PABPC4L: variants seen among roughly 807,000 people sequenced by gnomAD.
PABPC4L encodes the protein polyadenylate-binding protein 4-like.
For missense variants in PABPC4L, 452 were observed against 451.4 expected (o/e 1.00, Z -0.01); for synonymous variants, 169 against 164.1 (o/e 1.03, Z -0.23).
At chr4:134,004,000 T>C in the PABPC4L span, among the ~76,000 whole-genome samples, 2 of 151,724 alleles carry the variant, frequency 1.3e-5, no homozygotes, top group South Asian at 2.1e-4. Flanking sequence ...TCAAAATGGA[T>C]TAAAGACTTA....
the PABPC4L span, among the ~76,000 whole-genome samples, chr4:134,042,028 A>G: frequency 1.3e-5 from 2 of 152,322 alleles, no homozygotes; most frequent in Non-Finnish European, 2.9e-5. Flanking sequence ...CTCATCAACA[A>G]ATGAGTGGAT....
At chr4:134,105,345 A>G in the PABPC4L span, among the ~76,000 whole-genome samples, 2 of 151,778 alleles carry the variant, frequency 1.3e-5, no homozygotes, top group African/African-American at 2.4e-5. Flanking sequence ...TTGTTTAAAC[A>G]TTTGAAACAT....
chr4:134,186,102 C>A, the PABPC4L span, among the ~76,000 whole-genome samples: 1 of 152,204 alleles, frequency 6.6e-6, no homozygotes, highest in African/African-American at 2.4e-5. Context: ...GTGAAAATGG[C>A]CATACTGTCC....
chr4:133,951,226 G>T, the PABPC4L span, among the ~76,000 whole-genome samples: 29 of 152,024 alleles, frequency 1.9e-4, no homozygotes, highest in African/African-American at 7.0e-4. Flanking sequence ...TTTAAGGTCT[G>T]GTCTAACTTT....
chr4:133,985,958 A>G, the PABPC4L span, among the ~76,000 whole-genome samples: 1 of 152,096 alleles, frequency 6.6e-6, no homozygotes, highest in Non-Finnish European at 1.5e-5. Context: ...AGTAAAAATT[A>G]TTAAGCTCTG....
the PABPC4L span, among the ~76,000 whole-genome samples, chr4:133,982,581 A>G: frequency 1.3e-5 from 2 of 152,030 alleles, no homozygotes. Flanking sequence ...GAAAGTGTTT[A>G]TTAATAAATA....
the PABPC4L span, among the ~76,000 whole-genome samples, chr4:134,097,046 G>C: frequency 1.3e-5 from 2 of 151,922 alleles, no homozygotes; most frequent in African/African-American, 4.8e-5. Flanking sequence ...GAGGCAAGTA[G>C]TGTGTAATTG....
rs1729786964 is a variant in PABPC4L, at chr4:134,199,813, G to A, written c.*94C>T. The A allele has an allele frequency of 7.0e-7, 1 of 1,425,600 alleles. No individual in the cohort carries two copies. Among genetic ancestry groups the A allele is most frequent in the African/African-American group, 1.5e-5 (1 of 68,560 alleles). The allele number at this position is 1,425,600 out of a possible 1,614,324, so 88.3% of individuals were successfully genotyped here. Reference sequence around the variant, plus strand: ...TTACTAAACTAAGCACCCATCATGTGGAATATGAAATTTACTGAGGTCAAT... The same window carrying A: ...TTACTAAACTAAGCACCCATCATGTAGAATATGAAATTTACTGAGGTCAAT... On this transcript the variant is annotated 3_prime_UTR_variant, in exon 2 of 2. Coordinates refer to ENST00000421491, the MANE Select transcript of PABPC4L (RefSeq NM_001114734.2).
the PABPC4L span, among the ~76,000 whole-genome samples, chr4:134,108,899 A>G: frequency 3.3e-5 from 5 of 151,980 alleles, no homozygotes; most frequent in Admixed American, 6.6e-5. Context: ...TTGCCTAATA[A>G]TGTGTTCAGA....
the PABPC4L span, among the ~76,000 whole-genome samples, chr4:134,182,114 A>C: frequency 6.6e-6 from 1 of 151,984 alleles, no homozygotes; most frequent in South Asian, 2.1e-4. Context: ...AAACAAAAAA[A>C]CTATCTAAAA....
the PABPC4L span, among the ~76,000 whole-genome samples, chr4:134,046,706 C>A: frequency 6.6e-6 from 1 of 152,114 alleles, no homozygotes; most frequent in Middle Eastern, 3.2e-3. Context: ...GTGCATTGTG[C>A]CCCTGGTTAA....
the PABPC4L span, among the ~76,000 whole-genome samples, chr4:134,079,834 T>A: frequency 9.8e-4 from 149 of 152,014 alleles, 1 homozygote; most frequent in Non-Finnish European, 1.7e-3. Flanking sequence ...AAATTTAATA[T>A]TATATGGTTT....
chr4:133,957,891 A>C, the PABPC4L span, among the ~76,000 whole-genome samples: 2 of 152,156 alleles, frequency 1.3e-5, no homozygotes, highest in African/African-American at 4.8e-5. Flanking sequence ...GCTGGGTGCC[A>C]TGTCCTGAGG....
the PABPC4L span, among the ~76,000 whole-genome samples, chr4:133,957,260 A>G: frequency 6.6e-6 from 1 of 152,046 alleles, no homozygotes; most frequent in African/African-American, 2.4e-5. Context: ...CAAATGGGAG[A>G]AATGGGCCCA....
At chr4:134,051,635 A>G in the PABPC4L span, among the ~76,000 whole-genome samples, 1 of 152,120 alleles carries the variant, frequency 6.6e-6, no homozygotes, top group East Asian at 1.9e-4. Context: ...TTTAAAGTGT[A>G]AATAAGCCGA....
the PABPC4L span, among the ~76,000 whole-genome samples, chr4:133,962,432 G>A: frequency 6.6e-6 from 1 of 152,048 alleles, no homozygotes; most frequent in East Asian, 1.9e-4. Flanking sequence ...ATAGCATAAA[G>A]AAAAAACAAT....
At chr4:134,056,656 A>G in the PABPC4L span, among the ~76,000 whole-genome samples, 1 of 151,926 alleles carries the variant, frequency 6.6e-6, no homozygotes, top group Non-Finnish European at 1.5e-5. Context: ...TGAAAATCTT[A>G]TTGTATTTTT....
At chr4:133,987,765 A>G in the PABPC4L span, among the ~76,000 whole-genome samples, 1 of 152,204 alleles carries the variant, frequency 6.6e-6, no homozygotes, top group Non-Finnish European at 1.5e-5. Context: ...TGCTAATAAG[A>G]AAAAGGACAC....
chr4:133,970,115 T>A, the PABPC4L span, among the ~76,000 whole-genome samples: 1 of 148,414 alleles, frequency 6.7e-6, no homozygotes, highest in East Asian at 1.9e-4. Context: ...TTATATAAAA[T>A]ATATATATAT....
Sources: allele counts gnomAD v4.1 joint callset (sites outside exome capture counted in the v4.1 genomes callset), GRCh38; gene constraint gnomAD v4.1.1; transcripts MANE v1.5; gene names NCBI Gene and HGNC (gene_info 2026-07-23, HGNC 2026-07-21).